HS6ST3: variants seen among roughly 807,000 people sequenced by gnomAD.
HS6ST3 encodes heparan-sulfate 6-O-sulfotransferase 3.
Under a neutral mutation model 36.7 loss-of-function variants are expected in HS6ST3, and 12 were observed. That is an observed-to-expected ratio of 0.33 (90% CI 0.21 to 0.53). HS6ST3 has a LOEUF of 0.53. Among genes scored for constraint, HS6ST3 ranks in the 20% least tolerant of loss-of-function variants. The pLI, the probability that HS6ST3 is intolerant of heterozygous loss-of-function variation, is 0.95. For synonymous variants in HS6ST3, 240 were observed against 257.5 expected, an observed-to-expected ratio of 0.93 and a Z score of 0.65; for missense variants, 584 against 640.9, an observed-to-expected ratio of 0.91 and a Z score of 0.96.
In HS6ST3 at chr13:96,212,032, C is replaced by T. The variant is rs1050838002; in HGVS notation, c.707+120463C>T. 2.6e-5 allele frequency among the ~76,000 whole-genome samples: 4 copies of T among 152,112 alleles called. No homozygotes were observed. In the East Asian group the frequency reaches 5.8e-4, roughly 22 times the overall value. Reference sequence around the variant, plus strand: ...CTAACCAGAGTCAATTTAGGTATGCCCCACTAACTTAAACACTTACATCAA... The same window carrying T: ...CTAACCAGAGTCAATTTAGGTATGCTCCACTAACTTAAACACTTACATCAA... On this transcript the variant is annotated intron_variant, in intron 1 of 1. Transcript: ENST00000376705.
chr13:96,475,183 T>C (rs1452883469), intron 1 of HS6ST3, among the ~76,000 whole-genome samples: 1 of 152,166 alleles, frequency 6.6e-6, no homozygotes, highest in Non-Finnish European at 1.5e-5. Flanking sequence ...TGAGAACATA[T>C]TGCATTCTCT....
chr13:96,329,696 G>T, intron 1 of HS6ST3, among the ~76,000 whole-genome samples: 1 of 116,562 alleles, frequency 8.6e-6, no homozygotes, highest in Non-Finnish European at 1.8e-5. Flanking sequence ...TGTCTATTAG[G>T]TCCGCTTGGT....
At chr13:96,106,790 G>A (rs1267260541) in intron 1 of HS6ST3, among the ~76,000 whole-genome samples, 5 of 152,206 alleles carry the variant, frequency 3.3e-5, no homozygotes, top group African/African-American at 4.8e-5. Flanking sequence ...GCTGAGAGTC[G>A]TGAGGAAAGG....
At chr13:96,172,598 AATT>A (rs772149994) in intron 1 of HS6ST3, among the ~76,000 whole-genome samples, 10 of 152,168 alleles carry the variant, frequency 6.6e-5, no homozygotes, top group Admixed American at 1.3e-4. Flanking sequence ...ATTGTAAATA[AATT>A]ATTATTTACA....
At chr13:96,506,462 A>G (rs974311088) in intron 1 of HS6ST3, among the ~76,000 whole-genome samples, 2 of 152,188 alleles carry the variant, frequency 1.3e-5, no homozygotes, top group East Asian at 3.9e-4. Flanking sequence ...GAAACTTCCC[A>G]TGAAGGCTGC....
Position 96,090,821 on chromosome 13 carries a change from C to A in HS6ST3, c.-42C>A. 6.9e-7 allele frequency: 1 copy of A among 1,447,948 alleles called. No individual in the cohort carries two copies. The highest frequency in any genetic ancestry group is 9.1e-7 in the Non-Finnish European group (1 of 1,094,580). 89.7% of individuals were successfully genotyped at this position (1,447,948 alleles called of 1,614,324 possible). A position where few individuals can be genotyped will look rare whatever the true frequency, so the allele number is the denominator to read the frequency against. On this transcript the variant is annotated 5_prime_UTR_variant, in exon 1 of 2. Coordinates refer to ENST00000376705, the MANE Select transcript of HS6ST3 (RefSeq NM_153456.4). Reference sequence around the variant, plus strand: ...AGCGGGCGCCCGTCCGCCCTGCCGCCGCCGCCGCCGCCGCTTCGCCTGCCG... The same window carrying A: ...AGCGGGCGCCCGTCCGCCCTGCCGCAGCCGCCGCCGCCGCTTCGCCTGCCG...
At chr13:96,331,681 G>A (rs1479544296) in intron 1 of HS6ST3, among the ~76,000 whole-genome samples, 2 of 152,200 alleles carry the variant, frequency 1.3e-5, no homozygotes, top group African/African-American at 2.4e-5. Flanking sequence ...GAGGCAGGCA[G>A]GCCTCCTTGA....
chr13:96,645,326 T>G (rs573114800), intron 1 of HS6ST3, among the ~76,000 whole-genome samples: 1 of 151,964 alleles, frequency 6.6e-6, no homozygotes, highest in African/African-American at 2.4e-5. Flanking sequence ...TTTAGCCACA[T>G]AGACCTGTTG....
intron 1 of HS6ST3, among the ~76,000 whole-genome samples, chr13:96,412,477 A>T (rs2055512922): frequency 6.6e-6 from 1 of 152,202 alleles, no homozygotes; most frequent in African/African-American, 2.4e-5. Context: ...TCTGAGAAAC[A>T]TTGCCATTTG....
chr13:96,103,131 A>G (rs929063772), intron 1 of HS6ST3, among the ~76,000 whole-genome samples: 1 of 152,206 alleles, frequency 6.6e-6, no homozygotes, highest in African/African-American at 2.4e-5. Flanking sequence ...GTTATTAAAC[A>G]GTGTTTTGAC....
chr13:96,306,285 G>GTATTTT (rs2054912878), intron 1 of HS6ST3, among the ~76,000 whole-genome samples: 1 of 151,808 alleles, frequency 6.6e-6, no homozygotes, highest in Non-Finnish European at 1.5e-5. Flanking sequence ...TGTATTTTTA[G>GTATTTT]TAGAGACGGG....
chr13:96,159,464 G>A (rs987875072), intron 1 of HS6ST3, among the ~76,000 whole-genome samples: 2 of 152,144 alleles, frequency 1.3e-5, no homozygotes, highest in Non-Finnish European at 2.9e-5. Flanking sequence ...ATGCCAATCT[G>A]GAAATGGTTT....
chr13:96,560,739 C>T (rs1376347357), intron 1 of HS6ST3, among the ~76,000 whole-genome samples: 2 of 152,020 alleles, frequency 1.3e-5, no homozygotes, highest in Non-Finnish European at 2.9e-5. Flanking sequence ...AATAATGAAC[C>T]AAGCTAAGAG....
At chr13:96,231,517 G>A (rs1470123000) in intron 1 of HS6ST3, among the ~76,000 whole-genome samples, 1 of 152,048 alleles carries the variant, frequency 6.6e-6, no homozygotes, top group Non-Finnish European at 1.5e-5. Flanking sequence ...GAGGAAGGCG[G>A]GAGGGGAGGT....
At chr13:96,420,580 C>T (rs916580217) in intron 1 of HS6ST3, among the ~76,000 whole-genome samples, 2 of 152,090 alleles carry the variant, frequency 1.3e-5, no homozygotes, top group Non-Finnish European at 2.9e-5. Flanking sequence ...TGAAACATAG[C>T]CGATAATTGA....
intron 1 of HS6ST3, among the ~76,000 whole-genome samples, chr13:96,351,335 T>TTTTTTTTTTAA (rs1203595829): frequency 8.9e-5 from 13 of 146,406 alleles, no homozygotes; most frequent in African/African-American, 2.1e-4. Flanking sequence ...TTTTTTTTTT[T>TTTTTTTTTTAA]AAAAAAAACA....
At chr13:96,808,892 C>A (rs1306147879) in intron 1 of HS6ST3, among the ~76,000 whole-genome samples, 11 of 152,238 alleles carry the variant, frequency 7.2e-5, no homozygotes, top group Non-Finnish European at 1.5e-4. Flanking sequence ...GGAAGGAAAT[C>A]ATCCTTGGGA....
At chr13:96,104,504 T>G (rs781319886) in intron 1 of HS6ST3, among the ~76,000 whole-genome samples, 9 of 152,210 alleles carry the variant, frequency 5.9e-5, no homozygotes, top group Admixed American at 3.9e-4. Flanking sequence ...CTGCCTCTCC[T>G]AGGGTTAGCT....
At chr13:96,159,807 G>A (rs372151757) in intron 1 of HS6ST3, among the ~76,000 whole-genome samples, 58 of 152,276 alleles carry the variant, frequency 3.8e-4, no homozygotes, top group African/African-American at 1.4e-3. Context: ...TAAAAACATG[G>A]GAGTTTCTGA....
Sources: gnomAD v4.1 joint callset for allele counts (sites outside exome capture counted in the v4.1 genomes callset) on GRCh38, gnomAD v4.1.1 for gene constraint, MANE v1.5 for transcripts, NCBI Gene and HGNC (gene_info 2026-07-23, HGNC 2026-07-21) for gene names.